Variants in DMD observed in about 807,000 individuals in gnomAD.
The protein encoded by DMD is mutant dystrophin.
In DMD, 63 loss-of-function variants were observed where a neutral mutation model predicts 330.1. The observed-to-expected ratio is 0.19, with a 90% CI of 0.16 to 0.24. DMD has a LOEUF of 0.24. DMD is among the 10% of genes least tolerant of loss of function. DMD has a pLI of 1.00. For synonymous variants in DMD, 1,223 were observed against 959.8 expected, an observed-to-expected ratio of 1.27 and a Z score of -5.07; for missense variants, 3,344 against 2,684.1, an observed-to-expected ratio of 1.25 and a Z score of -5.43.
intron 44 of DMD, among the ~76,000 whole-genome samples, chrX:32,058,097 A>T (rs903481905): frequency 3.6e-5 from 4 of 111,500 alleles, no homozygotes; most frequent in Non-Finnish European, 7.6e-5. Flanking sequence ...TGGAGTAAAG[A>T]CTTAAAAATA....
At chrX:31,494,266 G>C (rs893378647) in intron 57 of DMD, among the ~76,000 whole-genome samples, 1 of 110,978 alleles carries the variant, frequency 9.0e-6, no homozygotes, top group African/African-American at 3.3e-5. Context: ...TGTCTGGTAT[G>C]AGAAAATATT....
At chrX:31,722,279 T>A (rs755074372) in intron 52 of DMD, among the ~76,000 whole-genome samples, 11 of 109,554 alleles carry the variant, frequency 1.0e-4, no homozygotes, top group African/African-American at 3.7e-4. Context: ...CCACCATGCC[T>A]GGCTAATTTT....
intron 77 of DMD, among the ~76,000 whole-genome samples, chrX:31,132,577 G>A (rs1271349609): frequency 9.0e-6 from 1 of 111,640 alleles, no homozygotes; most frequent in Non-Finnish European, 1.9e-5. Context: ...CAAGGGGCCA[G>A]GATCATACAG....
chrX:31,810,457 C>A lies in DMD; in HGVS notation c.7309+9518G>T, dbSNP rs1165237970. Reference sequence around the variant, plus strand: ...CCTATTCGAATAAAAATAATTTAGACAGTAACTGGAACTTAGGTTAGGTAG... The same window carrying A: ...CCTATTCGAATAAAAATAATTTAGAAAGTAACTGGAACTTAGGTTAGGTAG... On this transcript the variant is annotated intron_variant, in intron 50 of 78. Transcript: ENST00000357033. Among the ~76,000 whole-genome samples the A allele has an allele frequency of 2.7e-5, 3 of 111,957 alleles. No individual in the cohort carries two copies. The East Asian group carries it at 8.4e-4, about 31-fold the overall frequency.
At chrX:32,273,341 C>T (rs925860742) in intron 43 of DMD, among the ~76,000 whole-genome samples, 8 of 110,469 alleles carry the variant, frequency 7.2e-5, no homozygotes, top group Non-Finnish European at 1.3e-4. Context: ...TCTGTAATCC[C>T]ATCTTCTCAG....
At chrX:32,918,365 C>T (rs1201642192) in intron 2 of DMD, among the ~76,000 whole-genome samples, 1 of 111,367 alleles carries the variant, frequency 9.0e-6, no homozygotes, top group Non-Finnish European at 1.9e-5. Context: ...ATTATTTTTT[C>T]GTGTGTGTGA....
intron 15 of DMD, among the ~76,000 whole-genome samples, chrX:32,567,704 T>C (rs184838908): frequency 1.3e-3 from 146 of 112,606 alleles, no homozygotes; most frequent in African/African-American, 4.4e-3. Context: ...GCCCAATAGA[T>C]AGGTTTTGCA....
chrX:32,357,409 A>G (rs973311215), intron 37 of DMD, among the ~76,000 whole-genome samples: 1 of 111,345 alleles, frequency 9.0e-6, no homozygotes, highest in African/African-American at 3.3e-5. Context: ...GCTCCACTCC[A>G]GACCTAGTGA....
chrX:31,870,532 C>T (rs940181612), intron 48 of DMD, among the ~76,000 whole-genome samples: 1 of 111,969 alleles, frequency 8.9e-6, no homozygotes, highest in African/African-American at 3.2e-5. Context: ...TAGAGGCTCT[C>T]CTGCCTTTTA....
At chrX:32,835,482 T>C (rs1280123015) in intron 4 of DMD, among the ~76,000 whole-genome samples, 1 of 112,814 alleles carries the variant, frequency 8.9e-6, no homozygotes, top group Non-Finnish European at 1.9e-5. Context: ...AATACCGCAA[T>C]AAAGTTATCA....
intron 44 of DMD, among the ~76,000 whole-genome samples, chrX:32,059,269 GA>G (rs1333835201): frequency 9.0e-6 from 1 of 111,124 alleles, no homozygotes; most frequent in South Asian, 3.7e-4. Context: ...GCTTCATTAA[GA>G]AAAAAACATC....
chrX:32,188,235 T>A (rs1183427545), intron 44 of DMD, among the ~76,000 whole-genome samples: 3 of 109,078 alleles, frequency 2.8e-5, no homozygotes, highest in Non-Finnish European at 3.8e-5. Context: ...GTAAATACCT[T>A]CTCTAAATCC....
At chrX:31,431,863 G>C (rs1271478471) in intron 60 of DMD, among the ~76,000 whole-genome samples, 1 of 109,283 alleles carries the variant, frequency 9.2e-6, no homozygotes, top group Non-Finnish European at 1.9e-5. Flanking sequence ...TACCCAGGCT[G>C]GAGTGCAGTG....
intron 2 of DMD, among the ~76,000 whole-genome samples, chrX:32,891,852 G>A (rs967542999): frequency 4.5e-5 from 5 of 111,513 alleles, no homozygotes; most frequent in African/African-American, 1.6e-4. Flanking sequence ...TCTGATTTGA[G>A]GTTCCTCAAA....
chrX:31,284,598 TCTTCTTC>T (rs1157023574), intron 62 of DMD, among the ~76,000 whole-genome samples: 2 of 99,452 alleles, frequency 2.0e-5, no homozygotes, highest in African/African-American at 3.7e-5. Context: ...TTCTTCTTCT[TCTTCTTC>T]TTTTTTTTGG....
At chrX:31,518,449 A>G (rs1168439624) in intron 55 of DMD, among the ~76,000 whole-genome samples, 3 of 111,961 alleles carry the variant, frequency 2.7e-5, no homozygotes, top group African/African-American at 9.7e-5. Context: ...TAATCTTGAA[A>G]GACCTTAACA....
At chrX:32,119,686 T>C (rs1300213300) in intron 44 of DMD, among the ~76,000 whole-genome samples, 8 of 111,966 alleles carry the variant, frequency 7.1e-5, no homozygotes, top group Non-Finnish European at 1.3e-4. Context: ...GTCTTCCATG[T>C]AGATGCATAA....
intron 16 of DMD, among the ~76,000 whole-genome samples, chrX:32,563,120 C>T (rs1438585540): frequency 9.1e-6 from 1 of 110,118 alleles, no homozygotes; most frequent in African/African-American, 3.3e-5. Context: ...GTGGGAGGAT[C>T]ACAAGGTCAG....
intron 54 of DMD, among the ~76,000 whole-genome samples, chrX:31,634,471 A>G (rs767279092): frequency 4.5e-5 from 5 of 111,870 alleles, no homozygotes; most frequent in Non-Finnish European, 9.4e-5. Flanking sequence ...CACTGGCATG[A>G]GAAATAGATT....
Sources: allele counts gnomAD v4.1 joint callset (sites outside exome capture counted in the v4.1 genomes callset), GRCh38; gene constraint gnomAD v4.1.1; transcripts MANE v1.5; gene names NCBI Gene and HGNC (gene_info 2026-07-23, HGNC 2026-07-21).